The following TRIM47 variants were observed in gnomAD, a reference collection of about 807,000 sequenced individuals.
TRIM47 encodes the protein tripartite motif containing 47, also known as E3 ubiquitin-protein ligase TRIM47.
A neutral mutation model predicts 54.4 loss-of-function variants in TRIM47; 46 were observed. That is an observed-to-expected ratio of 0.84 (90% CI 0.67 to 1.08). TRIM47 has a LOEUF of 1.08. Among genes scored for constraint, TRIM47 ranks in the 50% least tolerant of loss-of-function variants. The pLI is 0.00. For missense variants in TRIM47, 825 were observed against 910.1 expected, an observed-to-expected ratio of 0.91 and a Z score of 1.20; for synonymous variants, 392 against 410.2, an observed-to-expected ratio of 0.96 and a Z score of 0.54.
chr17:75,874,465 G>A lies in TRIM47; in HGVS notation c.*18C>T. ...CTTCCTGGAGCAGAGACGGCAGCAGGAGCGCCCGTGCCCGGCATCACCTCC... is the reference window on the plus strand; with the variant it reads ...CTTCCTGGAGCAGAGACGGCAGCAGAAGCGCCCGTGCCCGGCATCACCTCC... On this transcript the variant is annotated 3_prime_UTR_variant, in exon 6 of 6. Transcript: ENST00000254816. This position sits in a 1 kb window ranked among gnomAD's most constrained non-coding sequence, Gnocchi z 6.2. The A allele has an allele frequency of 1.3e-6, 2 of 1,489,476 alleles. No individual in the cohort carries two copies. The highest frequency in any genetic ancestry group is 2.4e-5 in the Admixed American group (1 of 42,064). The allele number at this position is 1,489,476 out of a possible 1,614,324, so 92.3% of individuals were successfully genotyped here.
At chr17:75,877,249 C>A in intron 1 of TRIM47, 1 of 180,364 alleles carries the variant, frequency 5.5e-6, no homozygotes, top group Non-Finnish European at 1.2e-5. Context: ...CAGTCCAGGC[C>A]TGGAAAAAAG....
chr17:75,876,353 A>G lies in TRIM47; in HGVS notation c.911T>C (p.Leu304Pro), dbSNP rs774983971. 6.2e-7 allele frequency: 1 copy of G among 1,611,868 alleles called. No homozygotes were observed. The highest frequency in any genetic ancestry group is 1.1e-5 in the South Asian group (1 of 91,068). ...GCTGCGCTGTTCCTCCTGTCGCCGCAGGTCACCCTGGGAGCGGCCTAGCAT... is the reference window on the plus strand; with the variant it reads ...GCTGCGCTGTTCCTCCTGTCGCCGCGGGTCACCCTGGGAGCGGCCTAGCAT... ...AAMLGRSQGD[L>P]RRQEEQRSRL... Residue 304 changes from leucine to proline, a missense_variant, in exon 3 of 6, where the codon CTG becomes CCG. Transcript: ENST00000254816.
Position 75,878,249 on chromosome 17 carries a change from CG to C in TRIM47, c.299del (p.Ser100TrpfsTer78). On this transcript the variant is annotated frameshift_variant, in exon 1 of 6. Coordinates refer to ENST00000254816, the MANE Select transcript of TRIM47 (RefSeq NM_033452.3). LOFTEE classifies it high-confidence loss of function. ...GPAPALAPEPSAPSALPSVPE... is the reference protein window; with the variant it reads ...GPAPALAPEPXAPSALPSVPE... Reference sequence around the variant, plus strand: ...GGACACTGGGCAGCGCGCTGGGTGCCGAGGGCTCCGGGGCCAGGGCAGGGGC... The same window carrying C: ...GGACACTGGGCAGCGCGCTGGGTGCCAGGGCTCCGGGGCCAGGGCAGGGGC... The C allele has an allele frequency of 8.1e-7, 1 of 1,238,806 alleles. No homozygotes were observed. The highest frequency in any genetic ancestry group is 1.0e-6 in the Non-Finnish European group (1 of 991,330). 76.7% of individuals were successfully genotyped at this position (1,238,806 alleles called of 1,614,324 possible).
At chr17:75,876,517 G>T in intron 2 of TRIM47, 25 bp from the exon 3 acceptor site, 1 of 1,564,578 alleles carries the variant, frequency 6.4e-7, no homozygotes, top group South Asian at 1.2e-5. Flanking sequence ...AGTAGAGGGG[G>T]CAATGAGGGC....
At position 75,875,627 on chromosome 17, in the gene TRIM47, C is replaced by T. The variant is rs2065128717; in HGVS notation, c.1202-153G>A. 2 of 755,804 alleles carry T rather than the reference C, an allele frequency of 2.6e-6. No homozygotes were observed. Among genetic ancestry groups the T allele is most frequent in the Non-Finnish European group, 2.3e-6 (1 of 444,166 alleles). 46.8% of individuals were successfully genotyped at this position (755,804 alleles called of 1,614,324 possible). On this transcript the variant is annotated intron_variant, in intron 4 of 5. Transcript: ENST00000254816. The surrounding 1 kb of genome is among the most constrained non-coding windows in gnomAD (Gnocchi z 6.1). ...GTGGCACGCTGTGCTCACACACATGCCCGTTGCCTGTGTTCTGCCTCTTGC... is the reference window on the plus strand; with the variant it reads ...GTGGCACGCTGTGCTCACACACATGTCCGTTGCCTGTGTTCTGCCTCTTGC...
chr17:75,876,214 A>T (rs556040996), intron 3 of TRIM47, 48 bp downstream of exon 3: 1 of 1,572,228 alleles, frequency 6.4e-7, no homozygotes, highest in South Asian at 1.1e-5. Context: ...CCTCCACCCC[A>T]CCTGTCCCAG....
intron 1 of TRIM47, chr17:75,877,540 C>T: frequency 1.9e-6 from 1 of 517,120 alleles, no homozygotes; most frequent in Non-Finnish European, 2.8e-6. Context: ...CCGGCGTGAC[C>T]CTCCGGGCGG....
At position 75,874,307 on chromosome 17, in the gene TRIM47, T is replaced by TG. The variant is rs770836207; in HGVS notation, c.*175dup. The TG allele has an allele frequency of 1.5e-5, 8 of 528,072 alleles. No homozygotes were observed. Among genetic ancestry groups the TG allele is most frequent in the Non-Finnish European group, 2.2e-5 (7 of 319,880 alleles). The allele number at this position is 528,072 out of a possible 1,614,324, so 32.7% of individuals were successfully genotyped here. A position where few individuals can be genotyped will look rare whatever the true frequency, so the allele number is the denominator to read the frequency against. ...GTGAGGTCTGCAGGGGAACAGGGTC[T>TG]GGGGGTCCTCCTGCCTGGGAGAGGG... On this transcript the variant is annotated 3_prime_UTR_variant, in exon 6 of 6. Coordinates refer to ENST00000254816, the MANE Select transcript of TRIM47 (RefSeq NM_033452.3). The surrounding 1 kb of genome is among the most constrained non-coding windows in gnomAD (Gnocchi z 6.2).
chr17:75,876,154 G>A (rs536045303), intron 3 of TRIM47, 55 bp from the exon 4 acceptor site: 12 of 1,582,538 alleles, frequency 7.6e-6, no homozygotes, highest in Non-Finnish European at 8.6e-6. Flanking sequence ...CTCCTTGCTG[G>A]GGGTGGAGGC....
intron 1 of TRIM47, 49 bp downstream of exon 1, chr17:75,877,825 G>A: frequency 7.8e-7 from 1 of 1,287,038 alleles, no homozygotes. Flanking sequence ...CCGCTCGCGC[G>A]CGGTCGGTCA....
rs369391182 is a variant in TRIM47 at position 75,876,041 on chromosome 17, G to A, written c.1061C>T (p.Pro354Leu). Residue 354 changes from proline (P) to leucine (L), a missense_variant, in exon 4 of 6, where the codon CCG (proline) becomes CTG (leucine). Physicochemically the swap from Pro to Leu is moderately conservative, Grantham distance 98 (BLOSUM62 -3). Transcript: ENST00000254816. ...EDGCGPGPGP[P>L]RELSFTKSSQ... is the part of the protein sequence containing the mutation. ...TGATTTGGTGAAGCTGAGCTCCCTC[G>A]GGGGTCCAGGCCCAGGGCCACACCC... 13 of 1,602,812 alleles carry A rather than the reference G, an allele frequency of 8.1e-6. No homozygotes were observed. The highest frequency in any genetic ancestry group is 5.3e-5 in the African/African-American group (4 of 74,926).
In TRIM47 at chr17:75,875,900, C is replaced by T; in HGVS notation, c.1201+1G>A. 1 of 1,611,304 alleles carries T rather than the reference C, an allele frequency of 6.2e-7. No individual in the cohort carries two copies. Among genetic ancestry groups the T allele is most frequent in the Non-Finnish European group, 8.5e-7 (1 of 1,179,522 alleles). ...TCGGGGGGGCGTGGGGCGGTGCCCA[C>T]CTTCCGAGTCCAGCTTCTGTGGCCC... On this transcript the variant is annotated splice_donor_variant, in intron 4 of 5. Coordinates refer to ENST00000254816, the MANE Select transcript of TRIM47 (RefSeq NM_033452.3). LOFTEE classifies it high-confidence loss of function. This position sits in a 1 kb window ranked among gnomAD's most constrained non-coding sequence, Gnocchi z 6.1.
chr17:75,874,545 C>G lies in TRIM47; in HGVS notation c.1855G>C (p.Asp619His), dbSNP rs1397185178. 6 of 1,519,976 alleles carry G rather than the reference C, an allele frequency of 3.9e-6. No individual in the cohort carries two copies. The highest frequency in any genetic ancestry group is 5.3e-6 in the Non-Finnish European group (6 of 1,134,592). 94.2% of individuals were successfully genotyped at this position (1,519,976 alleles called of 1,614,324 possible). The change falls in exon 6 of 6, where the codon GAC (aspartate) becomes CAC (histidine). Residue 619 changes from aspartate to histidine, a missense_variant. Transcript: ENST00000254816. The surrounding 1 kb of genome is among the most constrained non-coding windows in gnomAD (Gnocchi z 6.2). ...LKPAFFLESV[D>H]AHLQIGPLKK... ...AGGGGCCCGATCTGCAAGTGGGCGT[C>G]CACACTCTCCAGGAAGAAGGCAGGC...
In TRIM47 at chr17:75,875,340, C is replaced by A; in HGVS notation, c.1276+60G>T. 6.4e-7 allele frequency: 1 copy of A among 1,560,234 alleles called. No homozygotes were observed. Among genetic ancestry groups the A allele is most frequent in the Admixed American group, 1.7e-5 (1 of 59,936 alleles). On this transcript the variant is annotated intron_variant, in intron 5 of 5. Transcript: ENST00000254816. The surrounding 1 kb of genome is among the most constrained non-coding windows in gnomAD (Gnocchi z 6.1). ...CTTGTGTGCCAGGGCCCTGCTGGGA[C>A]CAGCCCAGCAGCCCTGGGAGGGCCC...
chr17:75,875,549 C>G lies in TRIM47; in HGVS notation c.1202-75G>C, dbSNP rs1201995386. ...GAACCTGTGACTACAATCCCTACCC[C>G]CTTCACTTCCTCCCAGAGTCCAGAG... On this transcript the variant is annotated intron_variant, in intron 4 of 5. Transcript: ENST00000254816. The surrounding 1 kb of genome is among the most constrained non-coding windows in gnomAD (Gnocchi z 6.1). The G allele has an allele frequency of 1.5e-6, 2 of 1,343,810 alleles. No individual in the cohort carries two copies. The highest frequency in any genetic ancestry group is 2.1e-6 in the Non-Finnish European group (2 of 941,606). 83.2% of individuals were successfully genotyped at this position (1,343,810 alleles called of 1,614,324 possible).
Position 75,876,015 on chromosome 17 carries a change from A to AT in TRIM47, c.1086dup (p.Ser363IlefsTer40). Reference sequence around the variant, plus strand: ...TCTCTCACTGCACGGACAGCTTGGGATGATTTGGTGAAGCTGAGCTCCCTC... The same window carrying AT: ...TCTCTCACTGCACGGACAGCTTGGGATTGATTTGGTGAAGCTGAGCTCCCTC... On this transcript the variant is annotated frameshift_variant, in exon 4 of 6. Coordinates refer to ENST00000254816, the MANE Select transcript of TRIM47 (RefSeq NM_033452.3). LOFTEE classifies it high-confidence loss of function. The AT allele has an allele frequency of 6.2e-7, 1 of 1,605,118 alleles. No homozygotes were observed. The highest frequency in any genetic ancestry group is 8.5e-7 in the Non-Finnish European group (1 of 1,179,976).
In TRIM47 at chr17:75,878,180, G is replaced by A; in HGVS notation, c.369C>T (p.Gly123=). ...APCAPEPWPA[G]EEPVRCDACP... ...ACGCGTCGCAGCGCACTGGCTCTTC[G>A]CCCGCGGGCCACGGCTCGGGAGCGC... Residue 123 remains glycine, a synonymous_variant, in exon 1 of 6, where the codon GGC becomes GGT. Transcript: ENST00000254816. 8.1e-7 allele frequency: 1 copy of A among 1,229,332 alleles called. No homozygotes were observed. The highest frequency in any genetic ancestry group is 3.3e-5 in the East Asian group (1 of 30,606). The allele number at this position is 1,229,332 out of a possible 1,614,324, so 76.2% of individuals were successfully genotyped here. A position where few individuals can be genotyped will look rare whatever the true frequency, so the allele number is the denominator to read the frequency against.
At position 75,878,000 on chromosome 17, in the gene TRIM47, CG is replaced by C; in HGVS notation, c.548del (p.Pro183ArgfsTer50). 1 of 1,465,408 alleles carries C rather than the reference CG, an allele frequency of 6.8e-7. No homozygotes were observed. Among genetic ancestry groups the C allele is most frequent in the Admixed American group, 2.4e-5 (1 of 42,274 alleles). 90.8% of individuals were successfully genotyped at this position (1,465,408 alleles called of 1,614,324 possible). ...AGCGCTCGAGCGGCCGTAGGTGGCG[CG>C]GGCACAGGCTCTCCTCTAGCCGGCG... ...PLRRLEESLC[P>X]RHLRPLERYC... is the part of the protein sequence containing the mutation. On this transcript the variant is annotated frameshift_variant, in exon 1 of 6. Coordinates refer to ENST00000254816, the MANE Select transcript of TRIM47 (RefSeq NM_033452.3). LOFTEE classifies it high-confidence loss of function.
In TRIM47 at chr17:75,874,242, T is replaced by C. The variant is rs2065117708; in HGVS notation, c.*241A>G. On this transcript the variant is annotated 3_prime_UTR_variant, in exon 6 of 6. Transcript: ENST00000254816. This position sits in a 1 kb window ranked among gnomAD's most constrained non-coding sequence, Gnocchi z 6.2. ...AAACCTGGGAAAGGAGGGGTTAGGGTAGCTTGGAGCTGTCCCAGCTGTAGC... is the reference window on the plus strand; with the variant it reads ...AAACCTGGGAAAGGAGGGGTTAGGGCAGCTTGGAGCTGTCCCAGCTGTAGC... The C allele has an allele frequency of 5.0e-6, 2 of 402,580 alleles. No individual in the cohort carries two copies. Among genetic ancestry groups the C allele is most frequent in the Non-Finnish European group, 8.8e-6 (2 of 227,844 alleles). The allele number at this position is 402,580 out of a possible 1,614,324, so 24.9% of individuals were successfully genotyped here.
Sources: allele counts gnomAD v4.1 joint callset, GRCh38; gene constraint gnomAD v4.1.1; non-coding constraint Gnocchi (gnomAD v3.1); transcripts MANE v1.5; gene names NCBI Gene and HGNC (gene_info 2026-07-23, HGNC 2026-07-21).